The following ELF1 variants were observed in gnomAD, a reference collection of about 807,000 sequenced individuals.
ELF1 encodes the protein E74 like ETS transcription factor 1.
In ELF1, 24 loss-of-function variants were observed where a neutral mutation model predicts 59.9. The observed-to-expected ratio is 0.40, with a 90% confidence interval of 0.29 to 0.56. ELF1 has a LOEUF of 0.56. Among genes scored for constraint, ELF1 ranks in the 20% least tolerant of loss-of-function variants. The probability of loss-of-function intolerance (pLI) is 0.44; values close to 1 mark genes in which losing one functional copy is unlikely to be tolerated. For synonymous variants in ELF1, 248 were observed against 266.2 expected (o/e 0.93, Z 0.67); for missense variants, 627 against 742.2 (o/e 0.84, Z 1.80).
At chr13:40,973,964 T>C (rs949985566) in intron 2 of ELF1, among the ~76,000 whole-genome samples, 1 of 152,142 alleles carries the variant, frequency 6.6e-6, no homozygotes, top group Non-Finnish European at 1.5e-5. Context: ...TTGTCCAGAA[T>C]AGGCAAACAT....
Position 41,041,561 on chromosome 13 carries a change from C to T in ELF1, c.-229+19277G>A, listed in dbSNP as rs569768054. ...GTGGTGACGCGCACCTGTAGTCCCA[C>T]CTACTTCAGAGGTTAAGAAGAAAGG... On this transcript the variant is annotated intron_variant, in intron 1 of 1. Coordinates refer to the ELF1 transcript ENST00000405737. Among the ~76,000 whole-genome samples, 26 of 152,128 alleles carry T rather than the reference C, an allele frequency of 1.7e-4. 1 individual carries two copies. In the South Asian group the frequency reaches 4.4e-3, roughly 26 times the overall value.
At chr13:41,004,869 T>C (rs1051164782) in intron 1 of ELF1, among the ~76,000 whole-genome samples, 1 of 152,138 alleles carries the variant, frequency 6.6e-6, no homozygotes, top group African/African-American at 2.4e-5. Context: ...ACATGATGCA[T>C]ACAATCCATA....
intron 5 of ELF1, among the ~76,000 whole-genome samples, chr13:40,944,317 A>G (rs1310692200): frequency 2.0e-5 from 3 of 152,232 alleles, no homozygotes; most frequent in African/African-American, 4.8e-5. Flanking sequence ...TTGTCTGCCT[A>G]TTAATTATAC....
intron 1 of ELF1, 112 bp downstream of exon 1, chr13:41,019,116 T>A (rs1875582864): frequency 1.2e-6 from 1 of 866,164 alleles, no homozygotes; most frequent in Non-Finnish European, 1.4e-6. Context: ...ACACATTTTA[T>A]CAGAGGGTTA....
chr13:41,050,233 A>G (rs1877030080), intron 1 of ELF1, among the ~76,000 whole-genome samples: 1 of 152,060 alleles, frequency 6.6e-6, no homozygotes, highest in Non-Finnish European at 1.5e-5. Flanking sequence ...AGACTATTCT[A>G]GGTACCTCAT....
intron 1 of ELF1, among the ~76,000 whole-genome samples, chr13:41,053,006 G>A (rs1189565945): frequency 1.3e-5 from 2 of 152,220 alleles, no homozygotes; most frequent in African/African-American, 4.8e-5. Context: ...AACACTTAAA[G>A]TTTATTGCAT....
chr13:40,995,505 C>A (rs999221551), intron 1 of ELF1, among the ~76,000 whole-genome samples: 1 of 151,992 alleles, frequency 6.6e-6, no homozygotes. Context: ...CAGTGAGGTA[C>A]TGGTGAAAGA....
Position 40,949,938 on chromosome 13 carries a change from C to A in ELF1, c.397G>T (p.Val133Phe). The change falls in exon 5 of 9, where the codon GTT becomes TTT. Residue 133 changes from valine (V) to phenylalanine (F), a missense_variant. By Grantham distance (50) the Val-to-Phe change is conservative. Transcript: ENST00000239882. ...GACACATGGGTGACTGGGGCAACAA[C>A]CATGTCATCTTCAGGTGAACTAAAT... ...NIFSSPEDDM[V>F]VAPVTHVSVT... The A allele has an allele frequency of 2.5e-6, 4 of 1,613,562 alleles. No individual in the cohort carries two copies. Among genetic ancestry groups the A allele is most frequent in the South Asian group, 2.2e-5 (2 of 90,964 alleles).
intron 5 of ELF1, among the ~76,000 whole-genome samples, chr13:40,949,517 C>A (rs1268306968): frequency 6.6e-6 from 1 of 151,734 alleles, no homozygotes; most frequent in East Asian, 2.0e-4. Context: ...CCGTGCCCAG[C>A]TAATTCTTAA....
upstream of ELF1, among the ~76,000 whole-genome samples, chr13:41,021,807 G>A (rs1400125716): frequency 2.0e-5 from 3 of 152,052 alleles, no homozygotes; most frequent in African/African-American, 7.2e-5. Context: ...TCATACAGAT[G>A]GCAAAAAAAG....
intron 1 of ELF1, among the ~76,000 whole-genome samples, chr13:41,043,028 T>A (rs1314292419): frequency 6.6e-6 from 1 of 152,228 alleles, no homozygotes; most frequent in Non-Finnish European, 1.5e-5. Flanking sequence ...TCATTGTGGT[T>A]TTGATTTGCA....
At chr13:40,971,338 G>A (rs1191991127) in intron 2 of ELF1, among the ~76,000 whole-genome samples, 1 of 151,980 alleles carries the variant, frequency 6.6e-6, no homozygotes, top group African/African-American at 2.4e-5. Flanking sequence ...ACTCACTGCA[G>A]CCCCCACCTC....
intron 8 of ELF1, among the ~76,000 whole-genome samples, chr13:40,937,169 C>T (rs953830665): frequency 1.9e-4 from 29 of 152,296 alleles, no homozygotes; most frequent in African/African-American, 5.8e-4. Context: ...CTGTCAGTTG[C>T]GTCTGGTTGT....
rs375400990 is a variant in ELF1, at chr13:40,940,386, G to GAAAAAAAAAA, written c.1256+525_1256+534dup. Among the ~76,000 whole-genome samples the GAAAAAAAAAA allele has an allele frequency of 4.5e-4, 49 of 109,848 alleles. 2 individuals are homozygous for GAAAAAAAAAA. Among genetic ancestry groups the GAAAAAAAAAA allele is most frequent in the East Asian group, 2.5e-3 (5 of 1,968 alleles). 72.1% of individuals were successfully genotyped at this position (109,848 alleles called of 152,430 possible). ...GCTCTGAGGCAAATCTGATTTAACT[G>GAAAAAAAAAA]AAAAAAAAAAAAAAAAAAAAAAAAA... On this transcript the variant is annotated intron_variant, in intron 8 of 8. Transcript: ENST00000239882.
intron 1 of ELF1, among the ~76,000 whole-genome samples, chr13:41,006,284 T>C (rs1258278908): frequency 6.6e-6 from 1 of 152,112 alleles, no homozygotes; most frequent in African/African-American, 2.4e-5. Flanking sequence ...CACTTGTAAA[T>C]GTATTGGCTA....
chr13:41,025,537 C>T (rs961040179), intron 1 of ELF1, among the ~76,000 whole-genome samples: 1 of 152,318 alleles, frequency 6.6e-6, no homozygotes, highest in East Asian at 1.9e-4. Context: ...GCTTAAAACA[C>T]GAATCCAATC....
intron 1 of ELF1, among the ~76,000 whole-genome samples, chr13:41,025,067 C>T (rs2138398818): frequency 6.6e-6 from 1 of 152,240 alleles, no homozygotes; most frequent in South Asian, 2.1e-4. Flanking sequence ...TTCTTAGAGG[C>T]AAAATTAAAA....
intron 1 of ELF1, among the ~76,000 whole-genome samples, chr13:41,012,360 A>ACCT (rs1875118046): frequency 6.6e-6 from 1 of 150,804 alleles, no homozygotes; most frequent in African/African-American, 2.4e-5. Flanking sequence ...CAGTTAAACC[A>ACCT]AAGAGGATTC....
intron 1 of ELF1, among the ~76,000 whole-genome samples, chr13:40,985,210 C>G (rs746383278): frequency 6.6e-6 from 1 of 152,198 alleles, no homozygotes; most frequent in African/African-American, 2.4e-5. Flanking sequence ...TACTTATATA[C>G]TCTTCTGCAT....
Sources: allele counts gnomAD v4.1 joint callset (sites outside exome capture counted in the v4.1 genomes callset), GRCh38; gene constraint gnomAD v4.1.1; transcripts MANE v1.5; gene names NCBI Gene and HGNC (gene_info 2026-07-23, HGNC 2026-07-21).